The following AGBL4 variants were observed in gnomAD, a reference collection of about 807,000 sequenced individuals.
AGBL4 encodes cytosolic carboxypeptidase 6.
A neutral mutation model predicts 66.4 loss-of-function variants in AGBL4; 58 were observed. The ratio of observed to expected loss-of-function variants is 0.87; its 90% CI spans 0.71 to 1.09. AGBL4 has a LOEUF of 1.09. AGBL4 is among the 50% of genes least tolerant of loss of function. The pLI is 0.00. For synonymous variants in AGBL4, 234 were observed against 222.9 expected, an observed-to-expected ratio of 1.05 and a Z score of -0.44; for missense variants, 579 against 631.0, an observed-to-expected ratio of 0.92 and a Z score of 0.88.
intron 1 of AGBL4, among the ~76,000 whole-genome samples, chr1:49,989,483 A>G (rs1156650893): frequency 6.6e-6 from 1 of 152,186 alleles, no homozygotes; most frequent in Admixed American, 6.5e-5. Context: ...CCAATACTAT[A>G]GGTATAGTTA....
chr1:48,840,844 G>T (rs1646780630), intron 6 of AGBL4, among the ~76,000 whole-genome samples: 2 of 152,182 alleles, frequency 1.3e-5, no homozygotes, highest in Non-Finnish European at 2.9e-5. Context: ...CGCCAAAACT[G>T]CAAACAATTC....
At chr1:49,200,195 T>G (rs1647576642) in intron 4 of AGBL4, among the ~76,000 whole-genome samples, 2 of 152,158 alleles carry the variant, frequency 1.3e-5, no homozygotes, top group African/African-American at 4.8e-5. Flanking sequence ...TGTCTTTCCT[T>G]GATCTTCTCC....
At chr1:49,895,968 C>T (rs1312232108) in intron 1 of AGBL4, among the ~76,000 whole-genome samples, 4 of 145,820 alleles carry the variant, frequency 2.7e-5, no homozygotes, top group Middle Eastern at 3.6e-3. Context: ...CGAGATCCAA[C>T]TATCTGTTGC....
At chr1:48,792,999 C>T (rs1645587995) in intron 6 of AGBL4, among the ~76,000 whole-genome samples, 1 of 152,154 alleles carries the variant, frequency 6.6e-6, no homozygotes, top group Non-Finnish European at 1.5e-5. Flanking sequence ...CCCATGTAGC[C>T]CAGCTAAAAG....
chr1:49,429,850 A>AT (rs1186333971), intron 3 of AGBL4, among the ~76,000 whole-genome samples: 10,218 of 139,618 alleles, frequency 0.073, 1,057 homozygotes, highest in African/African-American at 0.23. Context: ...CTTTGAATAT[A>AT]TTTTTTTTTT....
At chr1:49,897,185 A>G (rs140594977) in intron 1 of AGBL4, among the ~76,000 whole-genome samples, 5 of 152,228 alleles carry the variant, frequency 3.3e-5, no homozygotes, top group Non-Finnish European at 7.4e-5. Context: ...TTGTTTGTAG[A>G]TGATATAAAC....
chr1:49,381,043 T>C (rs1342323855), intron 3 of AGBL4, among the ~76,000 whole-genome samples: 3 of 152,082 alleles, frequency 2.0e-5, no homozygotes, highest in African/African-American at 7.2e-5. Flanking sequence ...GAAACTACCA[T>C]CAGAGTGAAC....
chr1:48,915,898 AT>A (rs1281114833), intron 5 of AGBL4, among the ~76,000 whole-genome samples: 4 of 152,170 alleles, frequency 2.6e-5, no homozygotes, highest in African/African-American at 9.7e-5. Context: ...AAAAAATTAA[AT>A]TTTTCTCTCT....
intron 3 of AGBL4, among the ~76,000 whole-genome samples, chr1:49,557,824 A>AC (rs1034626980): frequency 7.9e-5 from 12 of 151,624 alleles, no homozygotes; most frequent in African/African-American, 2.7e-4. Flanking sequence ...AGCTGCTATC[A>AC]CCCCTCCCCT....
chr1:48,902,707 T>G (rs1652205240), intron 5 of AGBL4, among the ~76,000 whole-genome samples: 1 of 152,050 alleles, frequency 6.6e-6, no homozygotes, highest in South Asian at 2.1e-4. Flanking sequence ...GGTATCATCT[T>G]TTGCTTGCAT....
intron 6 of AGBL4, chr1:48,761,283 G>A (rs144179324): frequency 2.7e-6 from 4 of 1,500,702 alleles, no homozygotes; most frequent in South Asian, 2.6e-5. Flanking sequence ...CTTTAGCTAC[G>A]AGATATCTGA....
intron 4 of AGBL4, among the ~76,000 whole-genome samples, chr1:49,213,580 C>A (rs1254731632): frequency 1.3e-5 from 2 of 152,080 alleles, no homozygotes; most frequent in Non-Finnish European, 2.9e-5. Context: ...TTCCTTAGGC[C>A]TCCCCAGAAG....
chr1:49,002,700 G>A (rs1437278275), intron 5 of AGBL4, among the ~76,000 whole-genome samples: 1 of 152,122 alleles, frequency 6.6e-6, no homozygotes, highest in African/African-American at 2.4e-5. Context: ...AGAGCAAAAG[G>A]ATTAATGGTT....
chr1:49,086,394 C>T (rs967584301), intron 4 of AGBL4, among the ~76,000 whole-genome samples: 1 of 151,990 alleles, frequency 6.6e-6, no homozygotes, highest in African/African-American at 2.4e-5. Context: ...GTGGGGGTGA[C>T]CTCACCCACC....
At position 49,316,831 on chromosome 1, in the gene AGBL4, T is replaced by C. The variant is rs377658141; in HGVS notation, c.283-70967A>G. 1.4e-3 allele frequency among the ~76,000 whole-genome samples: 220 copies of C among 152,014 alleles called. 4 individuals are homozygous for C. The highest frequency in any genetic ancestry group is 9.5e-3 in the South Asian group (46 of 4,826). ...AAAATGCTTATATCACTGTTTATTA[T>C]GGAACTTAATTATCCCAAACTAAAG... On this transcript the variant is annotated intron_variant, in intron 3 of 13. Coordinates refer to ENST00000371839, the MANE Select transcript of AGBL4 (RefSeq NM_032785.4).
intron 1 of AGBL4, among the ~76,000 whole-genome samples, chr1:49,873,285 T>C (rs1375621177): frequency 3.3e-5 from 5 of 152,044 alleles, no homozygotes; most frequent in African/African-American, 4.8e-5. Flanking sequence ...ACATGGGATC[T>C]ATCTATCTAG....
chr1:49,700,284 A>G (rs982403234), intron 2 of AGBL4, among the ~76,000 whole-genome samples: 1 of 146,576 alleles, frequency 6.8e-6, no homozygotes, highest in African/African-American at 2.5e-5. Context: ...CACCAAGAAC[A>G]TATAAAAACA....
intron 5 of AGBL4, among the ~76,000 whole-genome samples, chr1:49,003,227 G>A (rs562122227): frequency 2.2e-4 from 33 of 152,126 alleles, no homozygotes; most frequent in African/African-American, 7.9e-4. Context: ...GTGAAACCCC[G>A]TCTCTACTAA....
At chr1:48,659,183 C>T (rs1646068036) in intron 7 of AGBL4, among the ~76,000 whole-genome samples, 2 of 140,856 alleles carry the variant, frequency 1.4e-5, no homozygotes, top group Admixed American at 1.4e-4. Context: ...AGGCACCTAC[C>T]TGTGCCTGGG....
Sources: gnomAD v4.1 joint callset for allele counts (sites outside exome capture counted in the v4.1 genomes callset) on GRCh38, gnomAD v4.1.1 for gene constraint, MANE v1.5 for transcripts, NCBI Gene and HGNC (gene_info 2026-07-23, HGNC 2026-07-21) for gene names.